AMOT: variants seen among roughly 807,000 people sequenced by gnomAD.
AMOT encodes the protein angiomotin.
AMOT carries 11 observed loss-of-function variants against 67.0 expected under a neutral mutation model. The ratio of observed to expected loss-of-function variants is 0.16; its 90% CI spans 0.10 to 0.27. The LOEUF is 0.27. Among genes scored for constraint, AMOT ranks in the 10% least tolerant of loss-of-function variants. AMOT has a pLI of 1.00. For synonymous variants in AMOT, 326 were observed against 321.4 expected (o/e 1.01, Z -0.15); for missense variants, 753 against 852.0 (o/e 0.88, Z 1.45).
intron 2 of AMOT, among the ~76,000 whole-genome samples, chrX:112,829,959 T>G (rs189736285): frequency 1.8e-5 from 2 of 111,765 alleles, no homozygotes; most frequent in East Asian, 5.6e-4. Flanking sequence ...AAAGAGTCCC[T>G]GTAATTAGAT....
intron 7 of AMOT, among the ~76,000 whole-genome samples, chrX:112,806,307 G>A (rs1640723821): frequency 9.5e-6 from 1 of 104,858 alleles, no homozygotes; most frequent in Non-Finnish European, 1.9e-5. Context: ...ATATGCTTGT[G>A]TGCTTACACA....
intron 7 of AMOT, among the ~76,000 whole-genome samples, chrX:112,809,043 C>A (rs746982489): frequency 4.3e-4 from 48 of 111,619 alleles, no homozygotes; most frequent in African/African-American, 1.5e-3. Flanking sequence ...ATTTGGAGAC[C>A]TAGCAAAGAT....
chrX:112,797,626 C>G (rs1241732085), intron 8 of AMOT, among the ~76,000 whole-genome samples: 1 of 111,382 alleles, frequency 9.0e-6, no homozygotes, highest in African/African-American at 3.3e-5. Context: ...ACTAAAAATA[C>G]AAAAATTAGC....
intron 4 of AMOT, among the ~76,000 whole-genome samples, chrX:112,821,699 A>AACTT (rs968876181): frequency 2.7e-5 from 3 of 112,143 alleles, no homozygotes; most frequent in Non-Finnish European, 5.6e-5. Context: ...AAGGCAAGTA[A>AACTT]CATTCTGAAC....
chrX:112,818,684 T>TA (rs1265082824), intron 4 of AMOT, among the ~76,000 whole-genome samples: 1 of 110,422 alleles, frequency 9.1e-6, no homozygotes, highest in African/African-American at 3.3e-5. Context: ...AATGACGGGG[T>TA]AAGGGAGAGT....
At chrX:112,833,514 AAAAACTGTTTGCTTTTT>A (rs1192850257) in intron 1 of AMOT, among the ~76,000 whole-genome samples, 5 of 103,586 alleles carry the variant, frequency 4.8e-5, no homozygotes, top group African/African-American at 1.9e-4. Context: ...TCTTAGCTTC[AAAAACTGTTTGCTTTTT>A]AAAAAAACAA....
chrX:112,834,293 T>G (rs1266505421), intron 1 of AMOT, among the ~76,000 whole-genome samples: 1 of 111,775 alleles, frequency 8.9e-6, no homozygotes, highest in Non-Finnish European at 1.9e-5. Flanking sequence ...AATATGCTCT[T>G]AAAAAACACA....
At position 112,781,015 on chromosome X, in the gene AMOT, T is replaced by C; in HGVS notation, c.2344A>G (p.Met782Val). The change falls in exon 12 of 14, where the codon ATG becomes GTG. Residue 782 changes from methionine (M) to valine (V), a missense_variant. This residue lies in a region of AMOT where 269 missense variants were observed against 300.9 expected (regional missense o/e 0.89). Coordinates refer to ENST00000371959, the MANE Select transcript of AMOT (RefSeq NM_001113490.2). Reference protein sequence around the residue: ...EPSKTEQLSCMRPAKSLMSIS... With the variant: ...EPSKTEQLSCVRPAKSLMSIS... ...GACATCAGAGACTTCGCTGGCCGCA[T>C]GCACGACAGCTGCTCTGTCTTGCTC... The C allele has an allele frequency of 7.4e-6, 9 of 1,212,109 alleles. No homozygotes were observed. Among genetic ancestry groups the C allele is most frequent in the Non-Finnish European group, 1.0e-5 (9 of 895,583 alleles).
intron 1 of AMOT, among the ~76,000 whole-genome samples, chrX:112,832,633 A>G (rs1215806300): frequency 8.9e-6 from 1 of 111,951 alleles, no homozygotes; most frequent in African/African-American, 3.2e-5. Flanking sequence ...CTCCTGAAAC[A>G]CTCTAACAGT....
At chrX:112,835,004 G>C (rs1291357709) in intron 1 of AMOT, among the ~76,000 whole-genome samples, 4 of 111,877 alleles carry the variant, frequency 3.6e-5, no homozygotes, top group Admixed American at 9.5e-5. Context: ...TAAGGCAATG[G>C]GGCACCAAAG....
At chrX:112,808,584 C>T (rs757451146) in intron 7 of AMOT, among the ~76,000 whole-genome samples, 1 of 112,051 alleles carries the variant, frequency 8.9e-6, no homozygotes, top group African/African-American at 3.2e-5. Context: ...AGTCTTTTGC[C>T]CTGCCGGTAA....
In AMOT at chrX:112,778,593, C is replaced by A. The variant is rs1932997238; in HGVS notation, c.3229G>T (p.Ala1077Ser). The change falls in exon 14 of 14, where the codon GCA becomes TCA. Residue 1077 changes from alanine to serine, a missense_variant. Around this residue, in one of 5 missense-constraint regions of AMOT, gnomAD observed 269 missense variants for 300.9 expected, o/e 0.89. Coordinates refer to ENST00000371959, the MANE Select transcript of AMOT (RefSeq NM_001113490.2). ...TAGATGAGATATTCCACCATCTCTG[C>A]ATCAGGCTCTTGTCCCAGGATCTGA... Reference protein sequence around the residue: ...PIQILGQEPDAEMVEYLI With the variant: ...PIQILGQEPDSEMVEYLI The A allele has an allele frequency of 3.3e-6, 4 of 1,207,013 alleles. No homozygotes were observed. The highest frequency in any genetic ancestry group is 4.5e-6 in the Non-Finnish European group (4 of 893,112).
chrX:112,779,498 G>C lies in AMOT; in HGVS notation c.2656C>G (p.Pro886Ala), dbSNP rs753828132. 147 of 1,208,440 alleles carry C rather than the reference G, an allele frequency of 1.2e-4. No individual in the cohort carries two copies. Among genetic ancestry groups the C allele is most frequent in the Non-Finnish European group, 1.6e-4 (141 of 894,566 alleles). ...AAVAPISVPAPVAAAATAAAI... is the reference protein window; with the variant it reads ...AAVAPISVPAAVAAAATAAAI... Reference sequence around the variant, plus strand: ...GCAGCAGTGGCGGCAGCAGCAACTGGAGCAGGAACAGAGATGGGAGCAACA... The same window carrying C: ...GCAGCAGTGGCGGCAGCAGCAACTGCAGCAGGAACAGAGATGGGAGCAACA... Residue 886 changes from proline (P) to alanine (A), a missense_variant, in exon 13 of 14, where the codon CCA becomes GCA. Physicochemically the swap from Pro to Ala is conservative, Grantham distance 27 (BLOSUM62 -1). Transcript: ENST00000371959.
At position 112,822,563 on chromosome X, in the gene AMOT, A is replaced by G. The variant is rs1276759849; in HGVS notation, c.564T>C (p.Val188=). 8.6e-7 allele frequency: 1 copy of G among 1,167,402 alleles called. No homozygotes were observed. The highest frequency in any genetic ancestry group is 1.1e-6 in the Non-Finnish European group (1 of 872,915). Residue 188 remains valine (V), a synonymous_variant, in exon 4 of 14, where the codon GTT becomes GTC. Transcript: ENST00000371959. ...CACTGGTAACAGGTGGATGGGCCTT[A>G]ACTCCACTGGTGGCCAGTGACATCT... ...LMQMSLATSG[V]KAHPPVTSAP...
intron 6 of AMOT, 64 bp downstream of exon 6, chrX:112,811,185 C>A (rs1934354419): frequency 8.4e-7 from 1 of 1,186,122 alleles, no homozygotes; most frequent in African/African-American, 1.8e-5. Context: ...TCCTGCTCAG[C>A]CCTTCCCTTC....
rs765989455 is a variant in AMOT, at chrX:112,837,930, T to C, written c.-289+2522A>G. ...GGAGATTTGGAAACATTTACCCATT[T>C]ACCATCCTAAAAGGCTCCAGTACGA... On this transcript the variant is annotated intron_variant, in intron 1 of 13. Coordinates refer to ENST00000371959, the MANE Select transcript of AMOT (RefSeq NM_001113490.2). 1.4e-4 allele frequency among the ~76,000 whole-genome samples: 16 copies of C among 111,720 alleles called. No homozygotes were observed. In the South Asian group the frequency reaches 2.3e-3, roughly 16 times the overall value.
At chrX:112,832,870 G>T (rs866695096) in intron 1 of AMOT, among the ~76,000 whole-genome samples, 2 of 111,255 alleles carry the variant, frequency 1.8e-5, no homozygotes, top group Middle Eastern at 4.6e-3. Flanking sequence ...CAGGTGTATG[G>T]ACAGGAGCCA....
chrX:112,810,653 T>C (rs774487116), intron 6 of AMOT, among the ~76,000 whole-genome samples: 2 of 107,499 alleles, frequency 1.9e-5, no homozygotes, highest in Non-Finnish European at 3.8e-5. Context: ...GAGGTTGCAG[T>C]GAGCCGAGAT....
Position 112,785,098 on chromosome X carries a change from G to C in AMOT, c.2118-2436C>G, listed in dbSNP as rs748295930. ...GCAAAAGCAAGCAAGCACAGTATTT[G>C]AACGAGCAACTTGACCTGCTACCTT... is the stretch of plus-strand genomic sequence containing the variant. On this transcript the variant is annotated intron_variant, in intron 10 of 13. Coordinates refer to ENST00000371959, the MANE Select transcript of AMOT (RefSeq NM_001113490.2). 4.5e-5 allele frequency among the ~76,000 whole-genome samples: 5 copies of C among 111,901 alleles called. No individual in the cohort carries two copies. The East Asian group carries it at 1.4e-3, about 31-fold the overall frequency.
Sources: allele counts gnomAD v4.1 joint callset (sites outside exome capture counted in the v4.1 genomes callset), GRCh38; gene constraint gnomAD v4.1.1; regional missense constraint gnomAD v4.1.1; transcripts MANE v1.5; gene names NCBI Gene and HGNC (gene_info 2026-07-23, HGNC 2026-07-21).